The following ACOD1 variants were observed in gnomAD, a reference collection of about 807,000 sequenced individuals.
The protein encoded by ACOD1 is aconitate decarboxylase 1.
ACOD1 carries 14 observed loss-of-function variants against 14.2 expected under a neutral mutation model. That is an observed-to-expected ratio of 0.99 (90% confidence interval 0.65 to 1.54). The LOEUF (loss-of-function observed/expected upper bound fraction) is 1.54. ACOD1 is among the 40% of genes most tolerant of loss of function. The pLI is 0.00. For synonymous variants in ACOD1, 182 were observed against 221.7 expected (o/e 0.82, Z 1.59); for missense variants, 530 against 586.3 (o/e 0.90, Z 0.99).
chr13:76,952,447 A>C (rs750551290), intron 1 of ACOD1, 42 bp from the exon 2 acceptor site: 1 of 1,530,252 alleles, frequency 6.5e-7, no homozygotes, highest in African/African-American at 1.4e-5. Context: ...GTGTGTAAGT[A>C]AAGTGGGGTG....
Position 76,957,341 on chromosome 13 carries a change from G to A in ACOD1, c.802G>A (p.Asp268Asn). ...ASYSWLLDQQ[D>N]VAFKRFPAHL... ...CTACAGTTGGCTGCTGGACCAGCAGGACGTGGCCTTTAAGCGTTTTCCTGC... is the reference window on the plus strand; with the variant it reads ...CTACAGTTGGCTGCTGGACCAGCAGAACGTGGCCTTTAAGCGTTTTCCTGC... The change falls in exon 5 of 5, where the codon GAC becomes AAC. Residue 268 changes from aspartate (D) to asparagine (N), a missense_variant. Transcript: ENST00000377462. The A allele has an allele frequency of 6.4e-7, 1 of 1,550,664 alleles. No homozygotes were observed. Among genetic ancestry groups the A allele is most frequent in the African/African-American group, 1.4e-5 (1 of 73,196 alleles).
Position 76,957,502 on chromosome 13 carries a change from G to T in ACOD1, c.963G>T (p.Arg321Ser). ...TACCAAATGTCCAGTATGTAAACAG[G>T]CCCTTTCCAGTTTCGGAGCATGAAG... Reference protein sequence around the residue: ...LRIPNVQYVNRPFPVSEHEAR... With the variant: ...LRIPNVQYVNSPFPVSEHEAR... Residue 321 changes from arginine (R) to serine (S), a missense_variant, in exon 5 of 5, where the codon AGG (arginine) becomes AGT (serine). Coordinates refer to ENST00000377462, the MANE Select transcript of ACOD1 (RefSeq NM_001258406.2). 1.9e-6 allele frequency: 3 copies of T among 1,550,584 alleles called. No homozygotes were observed. Among genetic ancestry groups the T allele is most frequent in the African/African-American group, 1.4e-5 (1 of 73,150 alleles).
chr13:76,956,282 A>G (rs1012067600), intron 4 of ACOD1, among the ~76,000 whole-genome samples: 1 of 151,984 alleles, frequency 6.6e-6, no homozygotes, highest in East Asian at 1.9e-4. Flanking sequence ...GCTCATTGCA[A>G]CCTCCGCCTC....
At position 76,952,548 on chromosome 13, in the gene ACOD1, T is replaced by A; in HGVS notation, c.72T>A (p.Asp24Glu). ...GCTTGAAAGTGGGACACCTGACAGA[T>A]CGTGTTATTCAGAGGAGCAAGAGGA... Reference protein sequence around the residue: ...IHGLKVGHLTDRVIQRSKRMI... With the variant: ...IHGLKVGHLTERVIQRSKRMI... The change falls in exon 2 of 5, where the codon GAT becomes GAA. Residue 24 changes from aspartate (D) to glutamate (E), a missense_variant. Physicochemically the swap from Asp to Glu is conservative, Grantham distance 45. Coordinates refer to ENST00000377462, the MANE Select transcript of ACOD1 (RefSeq NM_001258406.2). 6.5e-7 allele frequency: 1 copy of A among 1,550,324 alleles called. No individual in the cohort carries two copies.
Position 76,957,037 on chromosome 13 carries a change from G to T in ACOD1, c.498G>T (p.Thr166=), listed in dbSNP as rs141096966. The T allele has an allele frequency of 6.5e-7, 1 of 1,549,970 alleles. No individual in the cohort carries two copies. The highest frequency in any genetic ancestry group is 8.7e-7 in the Non-Finnish European group (1 of 1,146,656). Residue 166 remains threonine, a synonymous_variant, in exon 5 of 5, where the codon ACG becomes ACT. Transcript: ENST00000377462. ...TCCATCCCCCTTCCGTGGTAGGAAC[G>T]TTGGGTAGTGCTGCTGCTGCATCCA... ...KRFHPPSVVG[T]LGSAAAASKF...
chr13:76,951,290 C>T lies in ACOD1; in HGVS notation c.13-1199C>T, dbSNP rs181216082. Among the ~76,000 whole-genome samples the T allele has an allele frequency of 5.9e-5, 9 of 152,230 alleles. 1 individual carries two copies. Among genetic ancestry groups the T allele is most frequent in the Admixed American group, 2.0e-4 (3 of 15,296 alleles). On this transcript the variant is annotated intron_variant, in intron 1 of 4. Transcript: ENST00000377462. ...TCACTCTGTTGCCCAGGCGGGAGTG[C>T]GGTGGCATGATCTCAGCTCACTGCA...
chr13:76,954,121 G>C (rs949411849), intron 3 of ACOD1, among the ~76,000 whole-genome samples: 2 of 152,134 alleles, frequency 1.3e-5, no homozygotes, highest in Non-Finnish European at 2.9e-5. Flanking sequence ...GCCTTATAGT[G>C]TCTGTATTTT....
At chr13:76,954,691 T>C (rs2033853984) in intron 3 of ACOD1, among the ~76,000 whole-genome samples, 1 of 152,192 alleles carries the variant, frequency 6.6e-6, no homozygotes, top group Non-Finnish European at 1.5e-5. Context: ...AAAGGGAATA[T>C]AGATCTTTCC....
Position 76,957,836 on chromosome 13 carries a change from G to A in ACOD1, c.1297G>A (p.Asp433Asn). 2 of 1,551,104 alleles carry A rather than the reference G, an allele frequency of 1.3e-6. No individual in the cohort carries two copies. The highest frequency in any genetic ancestry group is 1.7e-6 in the Non-Finnish European group (2 of 1,147,124). Residue 433 changes from aspartate (D) to asparagine (N), a missense_variant, in exon 5 of 5, where the codon GAC becomes AAC. Transcript: ENST00000377462. ...RANASKMLSW[D>N]TVESLIKIVK... Reference sequence around the variant, plus strand: ...CAATGCCTCCAAGATGCTGTCCTGGGACACAGTGGAAAGCCTTATAAAGAT... The same window carrying A: ...CAATGCCTCCAAGATGCTGTCCTGGAACACAGTGGAAAGCCTTATAAAGAT...
chr13:76,957,559 C>T lies in ACOD1; in HGVS notation c.1020C>T (p.Ala340=). ...ATTCATTCCAGTATGTGGCCTGTGC[C>T]ATGCTGCTTGATGGTGGCATCACTG... ...ARHSFQYVAC[A]MLLDGGITVP... is the part of the protein sequence containing the mutation. Residue 340 remains alanine (A), a synonymous_variant, in exon 5 of 5, where the codon GCC becomes GCT. Coordinates refer to ENST00000377462, the MANE Select transcript of ACOD1 (RefSeq NM_001258406.2). 6.4e-7 allele frequency: 1 copy of T among 1,550,616 alleles called. No homozygotes were observed. The highest frequency in any genetic ancestry group is 8.7e-7 in the Non-Finnish European group (1 of 1,147,008).
chr13:76,956,062 G>T (rs932139736), intron 4 of ACOD1, among the ~76,000 whole-genome samples: 5 of 152,168 alleles, frequency 3.3e-5, no homozygotes, highest in Non-Finnish European at 5.9e-5. Context: ...TGAGATCTCA[G>T]CAATCAATAG....
intron 3 of ACOD1, among the ~76,000 whole-genome samples, chr13:76,954,907 T>A (rs1431582709): frequency 1.3e-5 from 2 of 151,928 alleles, no homozygotes; most frequent in Non-Finnish European, 2.9e-5. Context: ...GGCGGGCGGA[T>A]AACGAGGTCA....
rs746662615 is a variant in ACOD1, at chr13:76,957,737, G to T, written c.1198G>T (p.Asp400Tyr). 1.6e-5 allele frequency: 25 copies of T among 1,550,558 alleles called. No homozygotes were observed. Among genetic ancestry groups the T allele is most frequent in the Non-Finnish European group, 2.1e-5 (24 of 1,147,024 alleles). ...VTLKDGATFT[D>Y]RSDTFYGHWR... ...CCTCAAGGATGGAGCCACCTTCACA[G>T]ATCGCTCTGATACCTTCTATGGGCA... Residue 400 changes from aspartate to tyrosine, a missense_variant, in exon 5 of 5, where the codon GAT (aspartate) becomes TAT (tyrosine). Coordinates refer to ENST00000377462, the MANE Select transcript of ACOD1 (RefSeq NM_001258406.2).
At chr13:76,956,125 A>G (rs1316200074) in intron 4 of ACOD1, among the ~76,000 whole-genome samples, 3 of 152,230 alleles carry the variant, frequency 2.0e-5, no homozygotes, top group Non-Finnish European at 2.9e-5. Context: ...AGAACTCACT[A>G]TGTGCTAGCA....
chr13:76,956,941 T>C lies in ACOD1; in HGVS notation c.471-69T>C. The C allele has an allele frequency of 2.1e-6, 3 of 1,447,568 alleles. No individual in the cohort carries two copies. The South Asian group carries it at 4.3e-5, about 21-fold the overall frequency. The allele number at this position is 1,447,568 out of a possible 1,614,324, so 89.7% of individuals were successfully genotyped here. A position where few individuals can be genotyped will look rare whatever the true frequency, so the allele number is the denominator to read the frequency against. On this transcript the variant is annotated intron_variant, in intron 4 of 4. Transcript: ENST00000377462. ...GTGACTCCATTATCAATGTTCTTGA[T>C]GACTACGCTATCCTGCCTCCTGGTG...
chr13:76,948,875 T>C (rs2033794614), intron 1 of ACOD1, among the ~76,000 whole-genome samples: 1 of 152,250 alleles, frequency 6.6e-6, no homozygotes, highest in Non-Finnish European at 1.5e-5. Context: ...ATCTATTTAC[T>C]GTCACCACCT....
In ACOD1 at chr13:76,957,777, T is replaced by G; in HGVS notation, c.1238T>G (p.Leu413Arg). The change falls in exon 5 of 5, where the codon CTG becomes CGG. Residue 413 changes from leucine (L) to arginine (R), a missense_variant. Physicochemically the swap from Leu to Arg is moderately radical, Grantham distance 102. Coordinates refer to ENST00000377462, the MANE Select transcript of ACOD1 (RefSeq NM_001258406.2). The stretch of plus-strand genomic sequence containing the variant: ...TTCTATGGGCACTGGAGAAAACCAC[T>G]GAGCCAGGAGGACCTAGAGGAAAAG... ...DTFYGHWRKP[L>R]SQEDLEEKFR... 1 of 1,550,780 alleles carries G rather than the reference T, an allele frequency of 6.4e-7. No individual in the cohort carries two copies. The highest frequency in any genetic ancestry group is 8.7e-7 in the Non-Finnish European group (1 of 1,147,046).
At chr13:76,951,618 T>G (rs950835907) in intron 1 of ACOD1, among the ~76,000 whole-genome samples, 1 of 152,204 alleles carries the variant, frequency 6.6e-6, no homozygotes, top group East Asian at 1.9e-4. Context: ...CTACTAAGCT[T>G]TCAAAAATCA....
chr13:76,948,622 T>C, intron 1 of ACOD1, 52 bp downstream of exon 1: 2 of 1,453,350 alleles, frequency 1.4e-6, no homozygotes, highest in South Asian at 1.2e-5. Context: ...AGCAGACTTC[T>C]TCCTTCCTCA....
Sources: gnomAD v4.1 joint callset for allele counts (sites outside exome capture counted in the v4.1 genomes callset) on GRCh38, gnomAD v4.1.1 for gene constraint, MANE v1.5 for transcripts, NCBI Gene and HGNC (gene_info 2026-07-23, HGNC 2026-07-21) for gene names.